SPOUT1: variants seen among roughly 807,000 people sequenced by gnomAD.
The protein encoded by SPOUT1 is 28S rRNA (uridine-N(3))-methyltransferase.
A neutral mutation model predicts 54.8 loss-of-function variants in SPOUT1; 40 were observed. The observed-to-expected ratio is 0.73, with a 90% CI of 0.57 to 0.95. The LOEUF is 0.95. SPOUT1 is among the 40% of genes least tolerant of loss of function. The probability of loss-of-function intolerance (pLI) is 0.00; values close to 1 mark genes in which losing one functional copy is unlikely to be tolerated. For synonymous variants in SPOUT1, 193 were observed against 200.3 expected, an observed-to-expected ratio of 0.96 and a Z score of 0.31; for missense variants, 437 against 499.5, an observed-to-expected ratio of 0.87 and a Z score of 1.19.
At chr9:128,827,264 C>T in intron 3 of SPOUT1, 73 bp from the exon 4 acceptor site, 1 of 1,388,062 alleles carries the variant, frequency 7.2e-7, no homozygotes, top group Admixed American at 2.3e-5. Context: ...CTTCCTCTGT[C>T]CCTAGCGCCC....
Position 128,820,675 on chromosome 9 carries a change from G to A in SPOUT1, c.*2090C>T, listed in dbSNP as rs1050317004. 11 of 1,381,760 alleles carry A rather than the reference G, an allele frequency of 8.0e-6. No individual in the cohort carries two copies. Among genetic ancestry groups the A allele is most frequent in the Admixed American group, 2.0e-5 (1 of 51,214 alleles). 85.6% of individuals were successfully genotyped at this position (1,381,760 alleles called of 1,614,324 possible). A position where few individuals can be genotyped will look rare whatever the true frequency, so the allele number is the denominator to read the frequency against. On this transcript the variant is annotated 3_prime_UTR_variant, in exon 12 of 12. Transcript: ENST00000361256. ...TGTCCATCCCCTCAGGACCTGGGGCGGCCCTCTGATAGAGGAGGAAGGGTC... is the reference window on the plus strand; with the variant it reads ...TGTCCATCCCCTCAGGACCTGGGGCAGCCCTCTGATAGAGGAGGAAGGGTC...
chr9:128,826,719 C>A lies in SPOUT1; in HGVS notation c.369-90G>T. The A allele has an allele frequency of 1.0e-6, 1 of 953,224 alleles. No homozygotes were observed. Among genetic ancestry groups the A allele is most frequent in the South Asian group, 1.7e-5 (1 of 60,582 alleles). 59.0% of individuals were successfully genotyped at this position (953,224 alleles called of 1,614,324 possible). ...GTGCACGCGTATAATCCCAGCTACT[C>A]AGGAGGCTAAGGTGGGAGGATCATC... is the stretch of plus-strand genomic sequence containing the variant. On this transcript the variant is annotated intron_variant, in intron 4 of 11. Transcript: ENST00000361256. The surrounding 1 kb of genome is among the most constrained non-coding windows in gnomAD (Gnocchi z 5.5).
Position 128,820,924 on chromosome 9 carries a change from T to C in SPOUT1, c.*1841A>G. The C allele has an allele frequency of 7.4e-7, 1 of 1,359,984 alleles. No homozygotes were observed. The highest frequency in any genetic ancestry group is 1.0e-6 in the Non-Finnish European group (1 of 975,040). The allele number at this position is 1,359,984 out of a possible 1,614,324, so 84.2% of individuals were successfully genotyped here. A position where few individuals can be genotyped will look rare whatever the true frequency, so the allele number is the denominator to read the frequency against. On this transcript the variant is annotated 3_prime_UTR_variant, in exon 12 of 12. Coordinates refer to ENST00000361256, the MANE Select transcript of SPOUT1 (RefSeq NM_016390.4). The stretch of plus-strand genomic sequence containing the variant: ...CTACTGCCACTCACAGGGCCAGGCT[T>C]GCCCCAGGCTCTGGGTCAATACCAG...
chr9:128,825,942 C>A, intron 7 of SPOUT1, 80 bp downstream of exon 7: 1 of 1,590,974 alleles, frequency 6.3e-7, no homozygotes, highest in Admixed American at 1.7e-5. Context: ...GTCCAGGGCT[C>A]TCCGCAACAT....
rs763016788 is a variant in SPOUT1, at chr9:128,826,357, T to TG, written c.508+26dup. On this transcript the variant is annotated intron_variant, in intron 6 of 11. Transcript: ENST00000361256. This position sits in a 1 kb window ranked among gnomAD's most constrained non-coding sequence, Gnocchi z 5.5. Reference sequence around the variant, plus strand: ...TGTCTGTGGCATGATCCAGGGGAAATGGGGGGGCGGGCCCATACAGCGTTA... The same window carrying TG: ...TGTCTGTGGCATGATCCAGGGGAAATGGGGGGGGCGGGCCCATACAGCGTTA... 3.6e-5 allele frequency: 58 copies of TG among 1,608,592 alleles called. No individual in the cohort carries two copies. The Middle Eastern group carries it at 4.9e-4, about 14-fold the overall frequency.
Position 128,825,051 on chromosome 9 carries a change from T to C in SPOUT1, c.640-2A>G. ...CAGGTTCTTGTCAATCTTCACCTCCTGGGGAGAAGCCAGAAGAAATGGGTG... is the reference window on the plus strand; with the variant it reads ...CAGGTTCTTGTCAATCTTCACCTCCCGGGGAGAAGCCAGAAGAAATGGGTG... On this transcript the variant is annotated splice_acceptor_variant, in intron 7 of 11. Transcript: ENST00000361256. LOFTEE classifies it high-confidence loss of function. 5.1e-6 allele frequency: 8 copies of C among 1,563,506 alleles called. No individual in the cohort carries two copies. Among genetic ancestry groups the C allele is most frequent in the Non-Finnish European group, 6.9e-6 (8 of 1,153,638 alleles).
At chr9:128,825,946 G>A (rs1345168232) in intron 7 of SPOUT1, 76 bp downstream of exon 7, 5 of 1,594,488 alleles carry the variant, frequency 3.1e-6, no homozygotes, top group African/African-American at 2.7e-5. Context: ...AGGGCTCTCC[G>A]CAACATCCAT....
intron 1 of SPOUT1, 51 bp from the exon 2 acceptor site, chr9:128,829,206 C>G: frequency 6.8e-7 from 1 of 1,468,824 alleles, no homozygotes; most frequent in Non-Finnish European, 9.5e-7. Context: ...ATGGTCACAC[C>G]TGGAGGGGGT....
At chr9:128,823,097 A>G (rs1830160541) in intron 11 of SPOUT1, among the ~76,000 whole-genome samples, 1 of 152,184 alleles carries the variant, frequency 6.6e-6, no homozygotes, top group African/African-American at 2.4e-5. Context: ...AGGGGAGGGC[A>G]AGAAGAGGGG....
chr9:128,820,741 GC>G lies in SPOUT1; in HGVS notation c.*2023del. The G allele has an allele frequency of 6.2e-7, 1 of 1,608,478 alleles. No individual in the cohort carries two copies. Among genetic ancestry groups the G allele is most frequent in the Non-Finnish European group, 8.5e-7 (1 of 1,177,242 alleles). ...CTAAGCCCTATCTCTCCTACCAGGTGCCCCACCTCAACCAGAATGCCTGGAA... is the reference window on the plus strand; with the variant it reads ...CTAAGCCCTATCTCTCCTACCAGGTGCCCACCTCAACCAGAATGCCTGGAA... On this transcript the variant is annotated 3_prime_UTR_variant, in exon 12 of 12. Coordinates refer to ENST00000361256, the MANE Select transcript of SPOUT1 (RefSeq NM_016390.4).
At position 128,819,989 on chromosome 9, in the gene SPOUT1, A is replaced by C. The variant is rs1830076050; in HGVS notation, c.*2776T>G. 1 of 152,016 alleles carries C rather than the reference A, an allele frequency of 6.6e-6. No individual in the cohort carries two copies. Among genetic ancestry groups the C allele is most frequent in the Non-Finnish European group, 1.5e-5 (1 of 68,066 alleles). The allele number at this position is 152,016 out of a possible 1,614,324, so 9.4% of individuals were successfully genotyped here. ...AGCTTCCCTTGCTCGCCTGCTGCTC[A>C]CCTCCTGCTGTGTGGCCCGGTTCTG... is the stretch of plus-strand genomic sequence containing the variant. On this transcript the variant is annotated 3_prime_UTR_variant, in exon 12 of 12. Transcript: ENST00000361256.
Position 128,822,190 on chromosome 9 carries a change from G to A in SPOUT1, c.*575C>T, listed in dbSNP as rs977738975. 6.0e-6 allele frequency: 6 copies of A among 1,006,558 alleles called. No individual in the cohort carries two copies. The African/African-American group carries it at 6.5e-5, about 11-fold the overall frequency. The allele number at this position is 1,006,558 out of a possible 1,614,324, so 62.4% of individuals were successfully genotyped here. A position where few individuals can be genotyped will look rare whatever the true frequency, so the allele number is the denominator to read the frequency against. ...CCAGCCTCAAGGAGGAGCCAGGCAG[G>A]CTACAGAAGTCTCACAGTGAGGGCG... On this transcript the variant is annotated 3_prime_UTR_variant, in exon 12 of 12. Transcript: ENST00000361256.
intron 3 of SPOUT1, 72 bp downstream of exon 3, chr9:128,828,663 A>T (rs1407564356): frequency 6.5e-7 from 1 of 1,541,750 alleles, no homozygotes; most frequent in Admixed American, 1.8e-5. Context: ...TTCAGATAAG[A>T]CATCTCTGCT....
At position 128,828,802 on chromosome 9, in the gene SPOUT1, C is replaced by G; in HGVS notation, c.141G>C (p.Gln47His). The change falls in exon 3 of 12, where the codon CAG becomes CAC. Residue 47 changes from glutamine to histidine, a missense_variant. Gln to His is a conservative substitution (Grantham distance 24). Transcript: ENST00000361256. ...DLKLMKKLERQRAQEEQAKRL... is the reference protein window; with the variant it reads ...DLKLMKKLERHRAQEEQAKRL... ...GCTTTGCCTGTTCCTCCTGTGCCCG[C>G]TGCCGCTCCAGTTTTTTCATCAGCT... 1 of 1,614,208 alleles carries G rather than the reference C, an allele frequency of 6.2e-7. No homozygotes were observed. Among genetic ancestry groups the G allele is most frequent in the Non-Finnish European group, 8.5e-7 (1 of 1,180,030 alleles).
At position 128,820,749 on chromosome 9, in the gene SPOUT1, TCAACCAGAATGCCTGGAA is replaced by T; in HGVS notation, c.*1998_*2015del. On this transcript the variant is annotated 3_prime_UTR_variant, in exon 12 of 12. Transcript: ENST00000361256. The stretch of plus-strand genomic sequence containing the variant: ...TATCTCTCCTACCAGGTGCCCCACC[TCAACCAGAATGCCTGGAA>T]CAACCTGGAGAAATATAGCCGCAGC... The T allele has an allele frequency of 6.2e-7, 1 of 1,610,392 alleles. No individual in the cohort carries two copies. Among genetic ancestry groups the T allele is most frequent in the Non-Finnish European group, 8.5e-7 (1 of 1,178,244 alleles).
intron 7 of SPOUT1, 82 bp from the exon 8 acceptor site, chr9:128,825,131 G>C (rs1830213918): frequency 1.5e-5 from 17 of 1,105,810 alleles, no homozygotes; most frequent in Non-Finnish European, 2.3e-5. Flanking sequence ...CACCAGGGGA[G>C]CCCCGGGGCT....
chr9:128,825,832 CT>C, intron 7 of SPOUT1, 189 bp downstream of exon 7: 2 of 664,522 alleles, frequency 3.0e-6, no homozygotes, highest in Non-Finnish European at 2.6e-6. Flanking sequence ...TGTTGATTTG[CT>C]TTTTAAGCAA....
At chr9:128,829,675 G>T (rs1830314092) in intron 1 of SPOUT1, 70 bp downstream of exon 1, 2 of 1,234,742 alleles carry the variant, frequency 1.6e-6, no homozygotes, top group Non-Finnish European at 2.3e-6. Context: ...CCCCGGCGAA[G>T]GCCCCCACGC....
Position 128,828,966 on chromosome 9 carries a change from G to T in SPOUT1, c.83-106C>A. 7 of 1,554,036 alleles carry T rather than the reference G, an allele frequency of 4.5e-6. No homozygotes were observed. The South Asian group carries it at 7.9e-5, about 18-fold the overall frequency. ...TGAGCAGCCAGAGGGCAGCAAGGGAGCCTCCCCAGGGCTCCCGGCCCCTGC... is the reference window on the plus strand; with the variant it reads ...TGAGCAGCCAGAGGGCAGCAAGGGATCCTCCCCAGGGCTCCCGGCCCCTGC... On this transcript the variant is annotated intron_variant, in intron 2 of 11. Transcript: ENST00000361256.
Sources: allele counts gnomAD v4.1 joint callset (sites outside exome capture counted in the v4.1 genomes callset), GRCh38; gene constraint gnomAD v4.1.1; non-coding constraint Gnocchi (gnomAD v3.1); transcripts MANE v1.5; gene names NCBI Gene and HGNC (gene_info 2026-07-23, HGNC 2026-07-21).